The following AKR1C3 variants were observed in gnomAD, a reference collection of about 807,000 sequenced individuals.
The protein encoded by AKR1C3 is 3-alpha hydroxysteroid dehydrogenase, type II.
Under a neutral mutation model 43.6 loss-of-function variants are expected in AKR1C3, and 48 were observed. That is an observed-to-expected ratio of 1.10 (90% CI 0.87 to 1.40). The LOEUF is 1.40. AKR1C3 is among the 40% of genes most tolerant of loss of function. The probability of loss-of-function intolerance (pLI) is 0.00; values close to 1 mark genes in which losing one functional copy is unlikely to be tolerated. For synonymous variants in AKR1C3, 162 were observed against 139.6 expected, an observed-to-expected ratio of 1.16 and a Z score of -1.13; for missense variants, 482 against 391.2, an observed-to-expected ratio of 1.23 and a Z score of -1.96.
intron 5 of AKR1C3, chr10:5,099,743 C>G (rs2131843633): frequency 2.6e-6 from 1 of 391,528 alleles, no homozygotes; most frequent in East Asian, 5.0e-5. Flanking sequence ...GTGGACTTAC[C>G]TCTAAGCTAT....
chr10:5,102,140 G>C lies in AKR1C3; in HGVS notation c.610G>C (p.Asp204His). The C allele has an allele frequency of 6.2e-7, 1 of 1,614,072 alleles. No individual in the cohort carries two copies. The highest frequency in any genetic ancestry group is 8.5e-7 in the Non-Finnish European group (1 of 1,179,976). ...GTATTTCAACCGGAGTAAATTGCTA[G>C]ATTTCTGCAAGTCGAAAGATATTGT... ...HPYFNRSKLL[D>H]FCKSKDIVLV... Residue 204 changes from aspartate (D) to histidine (H), a missense_variant, in exon 6 of 9, where the codon GAT (aspartate) becomes CAT (histidine). Transcript: ENST00000380554.
chr10:5,105,389 A>G, intron 7 of AKR1C3: 1 of 427,562 alleles, frequency 2.3e-6, no homozygotes, highest in Non-Finnish European at 4.2e-6. Context: ...AGAGTTGCAC[A>G]GTTTCAATAC....
intron 6 of AKR1C3, 112 bp downstream of exon 6, chr10:5,102,322 G>T: frequency 6.3e-7 from 1 of 1,589,156 alleles, no homozygotes; most frequent in Non-Finnish European, 8.6e-7. Context: ...GGAGAGGAAA[G>T]AGAATTGCAT....
At chr10:5,094,110 T>TAACA (rs1442737046), upstream of AKR1C3, 2 of 181,624 alleles carry the variant, frequency 1.1e-5, no homozygotes, top group African/African-American at 4.8e-5. Flanking sequence ...TTTTATAGTC[T>TAACA]AACATATGGT....
intron 1 of AKR1C3, among the ~76,000 whole-genome samples, chr10:5,086,962 A>ATATG (rs1554783211): frequency 6.6e-6 from 1 of 152,002 alleles, no homozygotes; most frequent in African/African-American, 2.4e-5. Context: ...TTTTGAGCCT[A>ATATG]TGTGTGTCTC....
chr10:5,097,864 C>G (rs1839247052), intron 3 of AKR1C3: 1 of 1,143,022 alleles, frequency 8.7e-7, no homozygotes, highest in Non-Finnish European at 1.1e-6. Flanking sequence ...TTCCCAGACA[C>G]AGAGTTTCAT....
chr10:5,104,187 A>G (rs1012388853), intron 7 of AKR1C3, among the ~76,000 whole-genome samples: 4 of 152,134 alleles, frequency 2.6e-5, no homozygotes, highest in African/African-American at 9.6e-5. Flanking sequence ...TATATTGGGA[A>G]CATGACAATC....
intron 7 of AKR1C3, among the ~76,000 whole-genome samples, chr10:5,102,944 TGG>T (rs1839396123): frequency 7.3e-6 from 1 of 137,902 alleles, no homozygotes; most frequent in South Asian, 2.2e-4. Context: ...TGTTTGGTTT[TGG>T]TTTTTTTTTT....
chr10:5,054,463 A>G (rs1417211433), intron 1 of AKR1C3, among the ~76,000 whole-genome samples: 4 of 152,184 alleles, frequency 2.6e-5, no homozygotes, highest in African/African-American at 9.7e-5. Context: ...GTTGGGATTT[A>G]GAAAGACTAA....
At chr10:5,104,073 GGTTTTCTCTGT>G (rs1346003156) in intron 7 of AKR1C3, among the ~76,000 whole-genome samples, 2 of 151,990 alleles carry the variant, frequency 1.3e-5, no homozygotes, top group Non-Finnish European at 2.9e-5. Flanking sequence ...TATGTGCTGT[GGTTTTCTCTGT>G]AGTTATGTAT....
intron 4 of AKR1C3, 133 bp from the exon 5 acceptor site, chr10:5,099,193 CT>C (rs1564369980): frequency 1.4e-6 from 2 of 1,454,312 alleles, no homozygotes; most frequent in East Asian, 2.4e-5. Context: ...TTGAATTTTT[CT>C]TTTTTTGACA....
chr10:5,053,146 C>T (rs1321634071), intron 1 of AKR1C3, among the ~76,000 whole-genome samples: 2 of 152,238 alleles, frequency 1.3e-5, no homozygotes, highest in Non-Finnish European at 2.9e-5. Context: ...CATGCGCCCG[C>T]ACTCCTCAGC....
chr10:5,106,030 TCA>T (rs1839492060), intron 8 of AKR1C3, among the ~76,000 whole-genome samples: 1 of 152,198 alleles, frequency 6.6e-6, no homozygotes, highest in Admixed American at 6.5e-5. Context: ...TGTGCTTATA[TCA>T]CATTGTCCCA....
At chr10:5,077,261 T>C (rs1838735843) in intron 1 of AKR1C3, among the ~76,000 whole-genome samples, 1 of 152,112 alleles carries the variant, frequency 6.6e-6, no homozygotes, top group Admixed American at 6.5e-5. Flanking sequence ...TATTTTTCTC[T>C]CATAGAGAGA....
intron 1 of AKR1C3, among the ~76,000 whole-genome samples, chr10:5,066,035 G>T (rs1838494196): frequency 6.6e-6 from 1 of 152,158 alleles, no homozygotes; most frequent in Non-Finnish European, 1.5e-5. Context: ...ATTGGCTGGA[G>T]CCTTTGTTGC....
chr10:5,090,463 TGA>T (rs1244767845), upstream of AKR1C3, among the ~76,000 whole-genome samples: 1 of 152,224 alleles, frequency 6.6e-6, no homozygotes, highest in East Asian at 1.9e-4. Flanking sequence ...ACAGTGTAGC[TGA>T]GAGCCATAAA....
chr10:5,080,048 C>T (rs1032603729), intron 1 of AKR1C3, among the ~76,000 whole-genome samples: 5 of 152,132 alleles, frequency 3.3e-5, no homozygotes, highest in Non-Finnish European at 5.9e-5. Flanking sequence ...GAATTGTGCA[C>T]GGCCTCTATA....
intron 5 of AKR1C3, among the ~76,000 whole-genome samples, chr10:5,100,682 T>C (rs1408110988): frequency 1.3e-5 from 2 of 152,194 alleles, no homozygotes; most frequent in Non-Finnish European, 2.9e-5. Flanking sequence ...GTGAAGTGTA[T>C]AAAATTTGTG....
intron 1 of AKR1C3, among the ~76,000 whole-genome samples, chr10:5,063,559 G>A (rs1838424504): frequency 6.6e-6 from 1 of 151,636 alleles, no homozygotes; most frequent in Admixed American, 6.6e-5. Context: ...ATTTTGAGAG[G>A]CTGAGGCAGG....
Sources: gnomAD v4.1 joint callset for allele counts (sites outside exome capture counted in the v4.1 genomes callset) on GRCh38, gnomAD v4.1.1 for gene constraint, MANE v1.5 for transcripts, NCBI Gene and HGNC (gene_info 2026-07-23, HGNC 2026-07-21) for gene names.